The following GPR132 variants were observed in gnomAD, a reference collection of about 807,000 sequenced individuals.
The protein encoded by GPR132 is probable G protein-coupled receptor 132.
In GPR132, 4 loss-of-function variants were observed where a neutral mutation model predicts 1.9. That is an observed-to-expected ratio of 2.13 (90% CI 1.05 to 4.87). The LOEUF (loss-of-function observed/expected upper bound fraction) is 4.87, where lower values mean the gene tolerates loss of function less well. GPR132 is among the 30% of genes most tolerant of loss of function. The pLI, the probability that GPR132 is intolerant of heterozygous loss-of-function variation, is 0.01. For synonymous variants in GPR132, 233 were observed against 234.2 expected, an observed-to-expected ratio of 0.99 and a Z score of 0.05; for missense variants, 404 against 512.5, an observed-to-expected ratio of 0.79 and a Z score of 2.04.
intron 3 of GPR132, 117 bp from the exon 4 acceptor site, chr14:105,052,219 G>A (rs1424000192): frequency 1.2e-5 from 9 of 750,128 alleles, no homozygotes; most frequent in Non-Finnish European, 1.4e-5. Context: ...ACACGCAGGT[G>A]TTTAAAACAT....
chr14:105,054,274 A>G lies in GPR132; in HGVS notation c.34+1113T>C. On this transcript the variant is annotated intron_variant, in intron 3 of 3. Transcript: ENST00000329797. ...GGTCAGGGGTCCCTGGGCACTGTCCAGCCCGCTGGCCTCAGGAACCTTCCA... is the reference window on the plus strand; with the variant it reads ...GGTCAGGGGTCCCTGGGCACTGTCCGGCCCGCTGGCCTCAGGAACCTTCCA... 2.7e-6 allele frequency: 3 copies of G among 1,130,340 alleles called. No homozygotes were observed. In the South Asian group the frequency reaches 5.3e-5, roughly 20 times the overall value. 70.0% of individuals were successfully genotyped at this position (1,130,340 alleles called of 1,614,324 possible). A position where few individuals can be genotyped will look rare whatever the true frequency, so the allele number is the denominator to read the frequency against.
chr14:105,051,468 G>A lies in GPR132; in HGVS notation c.669C>T (p.Phe223=). 1 of 1,614,042 alleles carries A rather than the reference G, an allele frequency of 6.2e-7. No individual in the cohort carries two copies. The highest frequency in any genetic ancestry group is 1.1e-5 in the South Asian group (1 of 91,086). Residue 223 remains phenylalanine, a synonymous_variant, in exon 4 of 4, where the codon TTC becomes TTT. Coordinates refer to ENST00000329797, the MANE Select transcript of GPR132 (RefSeq NM_013345.4). This position sits in a 1 kb window ranked among gnomAD's most constrained non-coding sequence, Gnocchi z 8.0. ...AGCCCATGCTCTGCTTGATGCTCCT[G>A]AAAATCCGGTGGTTGGTGAAGGCGA... ...SIIAFTNHRI[F]RSIKQSMGLS... is the part of the protein sequence containing the mutation.
rs1409133308 is a variant in GPR132 at position 105,050,641 on chromosome 14, C to T, written c.*353G>A. On this transcript the variant is annotated 3_prime_UTR_variant, in exon 4 of 4. Coordinates refer to ENST00000329797, the MANE Select transcript of GPR132 (RefSeq NM_013345.4). This position sits in a 1 kb window ranked among gnomAD's most constrained non-coding sequence, Gnocchi z 4.0. ...AAATGCTCCGCAAATAAAGTCATCG[C>T]CACTGATGCGAACAGGGCAGCCACC... 2 of 333,960 alleles carry T rather than the reference C, an allele frequency of 6.0e-6. No individual in the cohort carries two copies. The highest frequency in any genetic ancestry group is 1.1e-5 in the Non-Finnish European group (2 of 178,856). 20.7% of individuals were successfully genotyped at this position (333,960 alleles called of 1,614,324 possible).
rs1003442670 is a variant in GPR132, at chr14:105,055,038, A to G, written c.34+349T>C. 2.0e-5 allele frequency among the ~76,000 whole-genome samples: 3 copies of G among 149,756 alleles called. No individual in the cohort carries two copies. Among genetic ancestry groups the G allele is most frequent in the Non-Finnish European group, 3.0e-5 (2 of 67,514 alleles). On this transcript the variant is annotated intron_variant, in intron 3 of 3. Coordinates refer to ENST00000329797, the MANE Select transcript of GPR132 (RefSeq NM_013345.4). This position sits in a 1 kb window ranked among gnomAD's most constrained non-coding sequence, Gnocchi z 4.7. ...GACTCCATCTCAAAAAAAAAAAAAA[A>G]AAAAAAATTCGGCCCCATGGGCCGT...
intron 1 of GPR132, among the ~76,000 whole-genome samples, chr14:105,061,029 G>A (rs973161805): frequency 2.0e-5 from 3 of 152,262 alleles, no homozygotes; most frequent in Non-Finnish European, 2.9e-5. Context: ...GTGAGCTGCT[G>A]ACGTCCAGAT....
Position 105,050,963 on chromosome 14 carries a change from C to A in GPR132, c.*31G>T. On this transcript the variant is annotated 3_prime_UTR_variant, in exon 4 of 4. Transcript: ENST00000329797. This position sits in a 1 kb window ranked among gnomAD's most constrained non-coding sequence, Gnocchi z 4.0. Reference sequence around the variant, plus strand: ...ACCACATTGCTGGCCCCAGGACCCCCAACCTGCCATCCCCCTGCCACACAG... The same window carrying A: ...ACCACATTGCTGGCCCCAGGACCCCAAACCTGCCATCCCCCTGCCACACAG... 6.3e-7 allele frequency: 1 copy of A among 1,595,778 alleles called. No individual in the cohort carries two copies. The highest frequency in any genetic ancestry group is 1.1e-5 in the South Asian group (1 of 90,054).
rs1886767148 is a variant in GPR132, at chr14:105,055,486, C to T, written c.-66G>A. ...ACCTTCTCATCTTCCCAAACGGAGA[C>T]TCTGCCCCAGGAAGCACTCGCTCCG... On this transcript the variant is annotated 5_prime_UTR_variant, in exon 3 of 4. Coordinates refer to ENST00000329797, the MANE Select transcript of GPR132 (RefSeq NM_013345.4). This position sits in a 1 kb window ranked among gnomAD's most constrained non-coding sequence, Gnocchi z 4.7. The T allele has an allele frequency of 1.3e-6, 1 of 774,620 alleles. No homozygotes were observed. The highest frequency in any genetic ancestry group is 1.7e-5 in the African/African-American group (1 of 59,056). The allele number at this position is 774,620 out of a possible 1,614,324, so 48.0% of individuals were successfully genotyped here. A position where few individuals can be genotyped will look rare whatever the true frequency, so the allele number is the denominator to read the frequency against.
chr14:105,051,806 C>T lies in GPR132; in HGVS notation c.331G>A (p.Gly111Ser), dbSNP rs1394362286. The T allele has an allele frequency of 1.2e-6, 2 of 1,614,148 alleles. No individual in the cohort carries two copies. The highest frequency in any genetic ancestry group is 8.5e-7 in the Non-Finnish European group (1 of 1,180,030). Residue 111 changes from glycine (G) to serine (S), a missense_variant, in exon 4 of 4, where the codon GGC becomes AGC. Coordinates refer to ENST00000329797, the MANE Select transcript of GPR132 (RefSeq NM_013345.4). This position sits in a 1 kb window ranked among gnomAD's most constrained non-coding sequence, Gnocchi z 8.0. ...GCGGTCACCTTGCAGGCCAGCAGGC[C>T]TAGGGTCCAGCGGTGCTGGTTGCGG... ...YIRNQHRWTL[G>S]LLACKVTAYI... is the part of the protein sequence containing the mutation.
intron 1 of GPR132, among the ~76,000 whole-genome samples, chr14:105,063,224 G>GAATC (rs998321967): frequency 2.3e-4 from 35 of 149,012 alleles, no homozygotes; most frequent in African/African-American, 8.7e-4. Flanking sequence ...CCCGGCCAAT[G>GAATC]AATCCATTTT....
At position 105,062,917 on chromosome 14, in the gene GPR132, T is replaced by A. The variant is rs202122459; in HGVS notation, c.-861+2462A>T. ...CTCCCTCTCTCTCTTGCTTTATTTG[T>A]TTGTTTGTTTGTTTATTTATTTATT... On this transcript the variant is annotated intron_variant, in intron 1 of 3. Transcript: ENST00000329797. Among the ~76,000 whole-genome samples the A allele has an allele frequency of 1.4e-3, 212 of 150,260 alleles. 5 individuals carry two copies. In the East Asian group the frequency reaches 0.026, roughly 18 times the overall value.
rs889254065 is a variant in GPR132, at chr14:105,060,339, C to G, written c.-860-3059G>C. 3.3e-5 allele frequency among the ~76,000 whole-genome samples: 5 copies of G among 152,200 alleles called. No homozygotes were observed. Among genetic ancestry groups the G allele is most frequent in the African/African-American group, 1.2e-4 (5 of 41,456 alleles). ...CAGGAGGGCCAAGGAAGGCAGACCC[C>G]CAGCCAGGCAGGGGGCCCAAGTGGG... On this transcript the variant is annotated intron_variant, in intron 1 of 3. Coordinates refer to ENST00000329797, the MANE Select transcript of GPR132 (RefSeq NM_013345.4). This position sits in a 1 kb window ranked among gnomAD's most constrained non-coding sequence, Gnocchi z 6.3.
At position 105,051,545 on chromosome 14, in the gene GPR132, C is replaced by T. The variant is rs750583256; in HGVS notation, c.592G>A (p.Gly198Arg). 10 of 1,613,860 alleles carry T rather than the reference C, an allele frequency of 6.2e-6. No individual in the cohort carries two copies. In the Admixed American group the frequency reaches 1.0e-4, roughly 16 times the overall value. Reference protein sequence around the residue: ...DMLQMDSRIAGYYYARFTVGF... With the variant: ...DMLQMDSRIARYYYARFTVGF... ...ACGGTGAACCTGGCGTAGTAGTACC[C>T]GGCAATCCTGCTGTCCATCTGCAGC... is the stretch of plus-strand genomic sequence containing the variant. Residue 198 changes from glycine to arginine, a missense_variant, in exon 4 of 4, where the codon GGG (glycine) becomes AGG (arginine). Coordinates refer to ENST00000329797, the MANE Select transcript of GPR132 (RefSeq NM_013345.4). This position sits in a 1 kb window ranked among gnomAD's most constrained non-coding sequence, Gnocchi z 8.0.
rs1886909808 is a variant in GPR132 at position 105,060,414 on chromosome 14, C to G, written c.-860-3134G>C. On this transcript the variant is annotated intron_variant, in intron 1 of 3. Coordinates refer to ENST00000329797, the MANE Select transcript of GPR132 (RefSeq NM_013345.4). This position sits in a 1 kb window ranked among gnomAD's most constrained non-coding sequence, Gnocchi z 6.3. ...AGACCAGTCCTGTTCCTTCTGAGCC[C>G]CGGGGGTGTGGGGGGCCCGACCAGC... Among the ~76,000 whole-genome samples, 1 of 152,190 alleles carries G rather than the reference C, an allele frequency of 6.6e-6. No individual in the cohort carries two copies. The highest frequency in any genetic ancestry group is 1.5e-5 in the Non-Finnish European group (1 of 68,014).
At chr14:105,053,449 T>G (rs527508208) in intron 3 of GPR132, among the ~76,000 whole-genome samples, 1 of 152,272 alleles carries the variant, frequency 6.6e-6, no homozygotes, top group South Asian at 2.1e-4. Context: ...CGTGAGCCAC[T>G]GCGCCCGGCT....
rs187776158 is a variant in GPR132 at position 105,054,809 on chromosome 14, G to T, written c.34+578C>A. On this transcript the variant is annotated intron_variant, in intron 3 of 3. Coordinates refer to ENST00000329797, the MANE Select transcript of GPR132 (RefSeq NM_013345.4). ...AATCCCAGCACTTTGGGAGGCCAGG[G>T]TGGGGAGATCACTAGAGGTCAGGCG... Among the ~76,000 whole-genome samples the T allele has an allele frequency of 3.3e-5, 5 of 150,910 alleles. No homozygotes were observed. The South Asian group carries it at 8.3e-4, about 25-fold the overall frequency.
rs754386954 is a variant in GPR132 at position 105,051,629 on chromosome 14, C to T, written c.508G>A (p.Val170Ile). The T allele has an allele frequency of 1.1e-5, 18 of 1,613,890 alleles. No homozygotes were observed. The highest frequency in any genetic ancestry group is 3.3e-5 in the Admixed American group (2 of 60,008). The change falls in exon 4 of 4, where the codon GTC becomes ATC. Residue 170 changes from valine to isoleucine, a missense_variant. By Grantham distance (29) the Val-to-Ile change is conservative. Transcript: ENST00000329797. This position sits in a 1 kb window ranked among gnomAD's most constrained non-coding sequence, Gnocchi z 8.0. Reference protein sequence around the residue: ...ILISACIFILVGIVHYPVFQT... With the variant: ...ILISACIFILIGIVHYPVFQT... Reference sequence around the variant, plus strand: ...AACACCGGGTAGTGAACGATCCCGACGAGGATGAAGATGCAGGCGGAGATG... The same window carrying T: ...AACACCGGGTAGTGAACGATCCCGATGAGGATGAAGATGCAGGCGGAGATG...
chr14:105,057,295 G>A lies in GPR132; in HGVS notation c.-860-15C>T. ...TTTAAAATGACCTGGAAAAAGAGTA[G>A]GTTGAAATTGTTTTAGGGAAATCAG... On this transcript the variant is annotated splice_polypyrimidine_tract_variant and intron_variant, in intron 1 of 3. Transcript: ENST00000329797. The A allele has an allele frequency of 2.8e-6, 2 of 720,712 alleles. No individual in the cohort carries two copies. The highest frequency in any genetic ancestry group is 3.2e-5 in the South Asian group (2 of 62,278). 44.6% of individuals were successfully genotyped at this position (720,712 alleles called of 1,614,324 possible). A position where few individuals can be genotyped will look rare whatever the true frequency, so the allele number is the denominator to read the frequency against.
intron 3 of GPR132, 66 bp from the exon 4 acceptor site, chr14:105,052,168 G>T: frequency 1.5e-6 from 2 of 1,323,046 alleles, no homozygotes; most frequent in African/African-American, 2.9e-5. Flanking sequence ...ACTCTACTGT[G>T]GGAAGAAAGG....
intron 3 of GPR132, chr14:105,054,368 G>C (rs1305013377): frequency 4.6e-5 from 45 of 985,222 alleles, no homozygotes; most frequent in Admixed American, 6.2e-5. Context: ...CAGCACGATG[G>C]GGCAAGTCAC....
Sources: gnomAD v4.1 joint callset for allele counts (sites outside exome capture counted in the v4.1 genomes callset) on GRCh38, gnomAD v4.1.1 for gene constraint, Gnocchi (gnomAD v3.1) non-coding constraint, MANE v1.5 for transcripts, NCBI Gene and HGNC (gene_info 2026-07-23, HGNC 2026-07-21) for gene names.